The following KIF1A variants were observed in gnomAD, a reference collection of about 807,000 sequenced individuals.
KIF1A encodes the protein kinesin family member 1A, also known as kinesin-like protein KIF1A.
Under a neutral mutation model 227.3 loss-of-function variants are expected in KIF1A, and 46 were observed. The observed-to-expected ratio is 0.20, with a 90% CI of 0.16 to 0.26. The LOEUF is 0.26. KIF1A is among the 10% of genes least tolerant of loss of function. The probability of loss-of-function intolerance (pLI) is 1.00; values close to 1 mark genes in which losing one functional copy is unlikely to be tolerated. For synonymous variants in KIF1A, 1,022 were observed against 1,012.8 expected (o/e 1.01, Z -0.17); for missense variants, 1,683 against 2,485.9 (o/e 0.68, Z 6.87).
In KIF1A at chr2:240,740,623, C is replaced by T. The variant is rs555024629; in HGVS notation, c.3750-259G>A. Among the ~76,000 whole-genome samples the T allele has an allele frequency of 6.6e-6, 1 of 152,152 alleles. No individual in the cohort carries two copies. The highest frequency in any genetic ancestry group is 1.9e-4 in the East Asian group (1 of 5,148). On this transcript the variant is annotated intron_variant, in intron 35 of 48. Coordinates refer to ENST00000498729, the MANE Select transcript of KIF1A (RefSeq NM_001244008.2). This position sits in a 1 kb window ranked among gnomAD's most constrained non-coding sequence, Gnocchi z 6.1. Reference sequence around the variant, plus strand: ...AGACACGGTATGGCACAGCCTGGCCCCTCTGGGCTGGATCTTTGTAAGTTC... The same window carrying T: ...AGACACGGTATGGCACAGCCTGGCCTCTCTGGGCTGGATCTTTGTAAGTTC...
intron 38 of KIF1A, among the ~76,000 whole-genome samples, chr2:240,730,951 C>A (rs1261848299): frequency 6.6e-6 from 1 of 152,214 alleles, no homozygotes; most frequent in Non-Finnish European, 1.5e-5. Context: ...CTGGTCAGTA[C>A]TGGCCCCACC....
intron 38 of KIF1A, chr2:240,728,447 C>A: frequency 1.6e-6 from 2 of 1,281,042 alleles, no homozygotes; most frequent in Non-Finnish European, 2.1e-6. Flanking sequence ...CACACGTACA[C>A]ATACAGAAGA....
At position 240,792,783 on chromosome 2, in the gene KIF1A, G is replaced by A. The variant is rs2055879116; in HGVS notation, c.107-3471C>T. 1.3e-5 allele frequency among the ~76,000 whole-genome samples: 2 copies of A among 152,190 alleles called. No individual in the cohort carries two copies. On this transcript the variant is annotated intron_variant, in intron 2 of 48. Coordinates refer to ENST00000498729, the MANE Select transcript of KIF1A (RefSeq NM_001244008.2). This position sits in a 1 kb window ranked among gnomAD's most constrained non-coding sequence, Gnocchi z 4.5. Reference sequence around the variant, plus strand: ...GATGAGGATGAGACGAAGCCACGAAGTCAGGGACCTCATGGTGGGATGAGT... The same window carrying A: ...GATGAGGATGAGACGAAGCCACGAAATCAGGGACCTCATGGTGGGATGAGT...
At position 240,783,766 on chromosome 2, in the gene KIF1A, G is replaced by A; in HGVS notation, c.771C>T (p.Ser257=). The A allele has an allele frequency of 6.3e-7, 1 of 1,584,426 alleles. No individual in the cohort carries two copies. The highest frequency in any genetic ancestry group is 8.6e-7 in the Non-Finnish European group (1 of 1,165,538). ...VDLAGSERAD[S]TGAKGTRLKE... is the part of the protein sequence containing the mutation. ...TGAGGCGCGTGCCCTTGGCTCCCGT[G>A]GAGTCAGCCCGCTCGCTCCCAGCCA... The change falls in exon 8 of 49, where the codon TCC becomes TCT. Residue 257 remains serine (S), a synonymous_variant. Coordinates refer to ENST00000498729, the MANE Select transcript of KIF1A (RefSeq NM_001244008.2).
At position 240,793,345 on chromosome 2, in the gene KIF1A, G is replaced by A. The variant is rs1361449453; in HGVS notation, c.107-4033C>T. Among the ~76,000 whole-genome samples, 2 of 152,206 alleles carry A rather than the reference G, an allele frequency of 1.3e-5. No homozygotes were observed. Among genetic ancestry groups the A allele is most frequent in the African/African-American group, 4.8e-5 (2 of 41,460 alleles). On this transcript the variant is annotated intron_variant, in intron 2 of 48. Transcript: ENST00000498729. This position sits in a 1 kb window ranked among gnomAD's most constrained non-coding sequence, Gnocchi z 4.8. ...CCACCCCTCACTACTGCACAGGTGG[G>A]GAAACTGAGGCCCAAAGGGATGCCC...
At chr2:240,779,513 C>T (rs956339769) in intron 10 of KIF1A, among the ~76,000 whole-genome samples, 3 of 148,640 alleles carry the variant, frequency 2.0e-5, no homozygotes, top group Admixed American at 6.7e-5. Flanking sequence ...GTTCCACACT[C>T]AGTTCCTCAC....
At chr2:240,748,463 A>G (rs947646083) in intron 28 of KIF1A, among the ~76,000 whole-genome samples, 12 of 152,114 alleles carry the variant, frequency 7.9e-5, no homozygotes, top group African/African-American at 2.9e-4. Context: ...ACTCTCAGGA[A>G]GTGGCTGTCA....
chr2:240,801,479 C>G (rs1438695798), intron 1 of KIF1A, among the ~76,000 whole-genome samples: 2 of 152,102 alleles, frequency 1.3e-5, no homozygotes, highest in African/African-American at 4.8e-5. Context: ...GACATGACAG[C>G]CAGAAAAGTA....
Position 240,802,978 on chromosome 2 carries a change from C to T in KIF1A, c.-60-5166G>A, listed in dbSNP as rs1420687514. Among the ~76,000 whole-genome samples the T allele has an allele frequency of 3.3e-5, 5 of 152,142 alleles. No homozygotes were observed. The East Asian group carries it at 9.6e-4, about 29-fold the overall frequency. On this transcript the variant is annotated intron_variant, in intron 1 of 48. Coordinates refer to ENST00000498729, the MANE Select transcript of KIF1A (RefSeq NM_001244008.2). ...ACACAGAATGTGTGCTAAAATTTGC[C>T]ATATGCTGGTCATAAAGCAAACTTC...
In KIF1A at chr2:240,740,396, C is replaced by T. The variant is rs759895194; in HGVS notation, c.3750-32G>A. ...GAGAGAGACACATGTGAGGAGCGGC[C>T]AGCCCCTCCTCTCTGCCCTCCCCGC... On this transcript the variant is annotated intron_variant, in intron 35 of 48. Transcript: ENST00000498729. This position sits in a 1 kb window ranked among gnomAD's most constrained non-coding sequence, Gnocchi z 6.1. 3.8e-6 allele frequency: 6 copies of T among 1,587,318 alleles called. No individual in the cohort carries two copies. The highest frequency in any genetic ancestry group is 5.2e-6 in the Non-Finnish European group (6 of 1,155,958).
In KIF1A at chr2:240,775,970, G is replaced by T; in HGVS notation, c.883-44C>A. ...CAAGGTCAAGCCCGAGCCCACTGCA[G>T]AGGAAGCGAAAGGGAGGGGCCAGCG... On this transcript the variant is annotated intron_variant, in intron 10 of 48. Coordinates refer to ENST00000498729, the MANE Select transcript of KIF1A (RefSeq NM_001244008.2). This position sits in a 1 kb window ranked among gnomAD's most constrained non-coding sequence, Gnocchi z 5.5. 1 of 1,390,696 alleles carries T rather than the reference G, an allele frequency of 7.2e-7. No individual in the cohort carries two copies. The highest frequency in any genetic ancestry group is 1.0e-6 in the Non-Finnish European group (1 of 977,666). The allele number at this position is 1,390,696 out of a possible 1,614,324, so 86.1% of individuals were successfully genotyped here. A position where few individuals can be genotyped will look rare whatever the true frequency, so the allele number is the denominator to read the frequency against.
At position 240,774,188 on chromosome 2, in the gene KIF1A, C is replaced by A; in HGVS notation, c.1032G>T (p.Thr344=). The change falls in exon 12 of 49, where the codon ACG becomes ACT. Residue 344 remains threonine (T), a synonymous_variant. Coordinates refer to ENST00000498729, the MANE Select transcript of KIF1A (RefSeq NM_001244008.2). ...ADINYDETLS[T]LRYADRAKQI... ...TGTCTCCCTGGAGAACTCACCTCAGCGTGCTAAGGGTCTCATCGTAGTTGA... is the reference window on the plus strand; with the variant it reads ...TGTCTCCCTGGAGAACTCACCTCAGAGTGCTAAGGGTCTCATCGTAGTTGA... 1 of 1,591,848 alleles carries A rather than the reference C, an allele frequency of 6.3e-7. No homozygotes were observed. The highest frequency in any genetic ancestry group is 8.6e-7 in the Non-Finnish European group (1 of 1,163,426).
chr2:240,741,057 T>A (rs761438199), intron 35 of KIF1A, among the ~76,000 whole-genome samples: 1 of 152,008 alleles, frequency 6.6e-6, no homozygotes, highest in African/African-American at 2.4e-5. Context: ...GTCCAGCACC[T>A]CCCTGCCCCT....
intron 8 of KIF1A, 139 bp from the exon 9 acceptor site, chr2:240,783,248 C>A: frequency 2.7e-6 from 2 of 736,968 alleles, no homozygotes; most frequent in Non-Finnish European, 4.8e-6. Flanking sequence ...GCCACTTGGG[C>A]GTGGGGTGCC....
intron 38 of KIF1A, among the ~76,000 whole-genome samples, chr2:240,730,207 A>G (rs1174852776): frequency 6.6e-6 from 1 of 152,236 alleles, no homozygotes; most frequent in Non-Finnish European, 1.5e-5. Flanking sequence ...GCAGGCTGGC[A>G]GAGTAGCAGC....
In KIF1A at chr2:240,725,285, A is replaced by C; in HGVS notation, c.4242T>G (p.Leu1414=). Reference sequence around the variant, plus strand: ...TGGGAGCTTACCTCTCTGAGGCCCGAAGGCTCCCACTGCCAAAGAGGTTGC... The same window carrying C: ...TGGGAGCTTACCTCTCTGAGGCCCGCAGGCTCCCACTGCCAAAGAGGTTGC... ...SIRNLFGSGS[L]RASESNRVTG... is the part of the protein sequence containing the mutation. The change falls in exon 40 of 49, where the codon CTT becomes CTG. Residue 1414 remains leucine, a synonymous_variant. Coordinates refer to ENST00000498729, the MANE Select transcript of KIF1A (RefSeq NM_001244008.2). The surrounding 1 kb of genome is among the most constrained non-coding windows in gnomAD (Gnocchi z 5.8). The C allele has an allele frequency of 6.2e-7, 1 of 1,605,396 alleles. No homozygotes were observed. Among genetic ancestry groups the C allele is most frequent in the South Asian group, 1.1e-5 (1 of 89,584 alleles).
Position 240,788,041 on chromosome 2 carries a change from C to CCCCTCCTT in KIF1A, c.363+9_363+10insAAGGAGGG. 1 of 1,520,676 alleles carries CCCCTCCTT rather than the reference C, an allele frequency of 6.6e-7. No homozygotes were observed. Among genetic ancestry groups the CCCCTCCTT allele is most frequent in the Non-Finnish European group, 8.9e-7 (1 of 1,121,308 alleles). 94.2% of individuals were successfully genotyped at this position (1,520,676 alleles called of 1,614,324 possible). On this transcript the variant is annotated intron_variant, in intron 4 of 48. Transcript: ENST00000498729. The surrounding 1 kb of genome is among the most constrained non-coding windows in gnomAD (Gnocchi z 6.6). ...GCCAGGGCTGCCCCCGCCCGCCCCC[C>CCCCTCCTT]GCTTCGTGCCTGTGGGATGATGCCC... is the stretch of plus-strand genomic sequence containing the variant.
At chr2:240,774,097 C>T in intron 12 of KIF1A, 86 bp downstream of exon 12, 1 of 838,564 alleles carries the variant, frequency 1.2e-6, no homozygotes, top group Non-Finnish European at 1.9e-6. Context: ...CCCCTGGTCA[C>T]TGGTGCTTCC....
rs1296449986 is a variant in KIF1A, at chr2:240,787,292, T to C, written c.388A>G (p.Ile130Val). ...PQLCEDLFSR[I>V]NDTTNDNMSY... is the part of the protein sequence containing the mutation. ...ATGTTGTCGTTGGTCGTGTCGTTGA[T>C]CCGAGAGAAGAGGTCCTCGCAGAGC... is the stretch of plus-strand genomic sequence containing the variant. Residue 130 changes from isoleucine (I) to valine (V), a missense_variant, in exon 5 of 49, where the codon ATC (isoleucine) becomes GTC (valine). Around this residue, in one of 12 missense-constraint regions of KIF1A, gnomAD observed 75 missense variants for 131.2 expected, o/e 0.57. Coordinates refer to ENST00000498729, the MANE Select transcript of KIF1A (RefSeq NM_001244008.2). 1 of 1,613,222 alleles carries C rather than the reference T, an allele frequency of 6.2e-7. No individual in the cohort carries two copies. Among genetic ancestry groups the C allele is most frequent in the Non-Finnish European group, 8.5e-7 (1 of 1,179,770 alleles).
Sources: allele counts gnomAD v4.1 joint callset (sites outside exome capture counted in the v4.1 genomes callset), GRCh38; gene constraint gnomAD v4.1.1; regional missense constraint gnomAD v4.1.1; non-coding constraint Gnocchi (gnomAD v3.1); transcripts MANE v1.5; gene names NCBI Gene and HGNC (gene_info 2026-07-23, HGNC 2026-07-21).